Variants in DNAH8 observed in about 807,000 individuals in gnomAD.
DNAH8 encodes axonemal beta dynein heavy chain 8.
DNAH8 carries 382 observed loss-of-function variants against 562.1 expected under a neutral mutation model. The ratio of observed to expected loss-of-function variants is 0.68; its 90% CI spans 0.63 to 0.74. The LOEUF (loss-of-function observed/expected upper bound fraction) is 0.74, where lower values mean the gene tolerates loss of function less well. DNAH8 is among the 30% of genes least tolerant of loss of function. The probability of loss-of-function intolerance (pLI) is 0.00; values close to 1 mark genes in which losing one functional copy is unlikely to be tolerated. For synonymous variants in DNAH8, 1,881 were observed against 1,919.4 expected (o/e 0.98, Z 0.52); for missense variants, 5,203 against 5,620.4 (o/e 0.93, Z 2.37).
At chr6:38,937,033 G>A (rs1381296074) in intron 77 of DNAH8, among the ~76,000 whole-genome samples, 2 of 152,016 alleles carry the variant, frequency 1.3e-5, no homozygotes, top group African/African-American at 4.8e-5. Flanking sequence ...AAAAAAAAAG[G>A]ATGAGTTCAT....
chr6:38,801,638 C>T (rs1421169634), intron 21 of DNAH8, among the ~76,000 whole-genome samples: 1 of 152,206 alleles, frequency 6.6e-6, no homozygotes, highest in Non-Finnish European at 1.5e-5. Context: ...GTGTTTAGCA[C>T]TGCATTGAAT....
chr6:39,015,623 C>T (rs1297849291), intron 91 of DNAH8, among the ~76,000 whole-genome samples: 1 of 152,200 alleles, frequency 6.6e-6, no homozygotes, highest in Non-Finnish European at 1.5e-5. Flanking sequence ...GAGGCATCCC[C>T]AGCCATGCAG....
At chr6:38,999,400 GT>G (rs71809928) in intron 88 of DNAH8, among the ~76,000 whole-genome samples, 2,712 of 141,032 alleles carry the variant, frequency 0.019, 117 homozygotes, top group East Asian at 0.17. Context: ...TATGGGGGCT[GT>G]TTTTTTTTTT....
chr6:38,890,011 G>A (rs1328201929), intron 57 of DNAH8, among the ~76,000 whole-genome samples: 1 of 152,156 alleles, frequency 6.6e-6, no homozygotes, highest in African/African-American at 2.4e-5. Context: ...GAGACTTTGA[G>A]AACAGTCTCT....
intron 87 of DNAH8, 179 bp downstream of exon 87, chr6:38,984,486 A>C: frequency 1.8e-6 from 1 of 566,132 alleles, no homozygotes; most frequent in South Asian, 2.1e-5. Context: ...ACACACACAC[A>C]CACACACACA....
rs375908994 is a variant in DNAH8 at position 38,784,691 on chromosome 6, A to G, written c.2395+1552A>G. ...TCTCAGCACATTACATGTATTATGC[A>G]AATTACTTTAATCCTAACAGCAAAC... On this transcript the variant is annotated intron_variant, in intron 17 of 92. Coordinates refer to ENST00000327475, the MANE Select transcript of DNAH8 (RefSeq NM_001206927.2). Among the ~76,000 whole-genome samples, 12 of 152,338 alleles carry G rather than the reference A, an allele frequency of 7.9e-5. No individual in the cohort carries two copies. The East Asian group carries it at 1.5e-3, about 20-fold the overall frequency.
chr6:38,789,047 G>A (rs1447109401), intron 18 of DNAH8, among the ~76,000 whole-genome samples: 1 of 152,160 alleles, frequency 6.6e-6, no homozygotes, highest in Non-Finnish European at 1.5e-5. Flanking sequence ...AGGTTTAAAT[G>A]TACTGTTATA....
At chr6:38,723,655 G>C (rs553022313) in intron 3 of DNAH8, among the ~76,000 whole-genome samples, 184 bp downstream of exon 3, 10 of 152,194 alleles carry the variant, frequency 6.6e-5, no homozygotes, top group South Asian at 6.2e-4. Context: ...TTTGGGGATT[G>C]CTTGAGGCCA....
intron 70 of DNAH8, among the ~76,000 whole-genome samples, chr6:38,918,442 G>A (rs1037461913): frequency 1.3e-5 from 2 of 152,176 alleles, no homozygotes; most frequent in African/African-American, 2.4e-5. Flanking sequence ...TTGAAGTTTG[G>A]AGATTAGGTT....
rs545870718 is a variant in DNAH8, at chr6:39,022,818, C to T, written c.13715-3728C>T. ...TGGTGTAGTGGGCAGCTGCCTACCCCCATCCCACCCTGCACTGTGGGCTCC... is the reference window on the plus strand; with the variant it reads ...TGGTGTAGTGGGCAGCTGCCTACCCTCATCCCACCCTGCACTGTGGGCTCC... On this transcript the variant is annotated intron_variant, in intron 91 of 92. Transcript: ENST00000327475. 1.9e-3 allele frequency among the ~76,000 whole-genome samples: 292 copies of T among 152,338 alleles called. 1 individual carries two copies. Among genetic ancestry groups the T allele is most frequent in the African/African-American group, 6.6e-3 (274 of 41,576 alleles).
intron 1 of DNAH8, among the ~76,000 whole-genome samples, chr6:38,721,489 C>T (rs961780943): frequency 6.8e-6 from 1 of 147,564 alleles, no homozygotes; most frequent in African/African-American, 2.5e-5. Context: ...CAGGTGGCAG[C>T]GTGAGGCCCT....
intron 11 of DNAH8, among the ~76,000 whole-genome samples, chr6:38,769,196 T>C (rs1240181066): frequency 6.6e-6 from 1 of 152,232 alleles, no homozygotes; most frequent in Non-Finnish European, 1.5e-5. Flanking sequence ...ATCTGAGAAC[T>C]GTTATTCAGA....
At chr6:38,882,096 T>C (rs547059914) in intron 53 of DNAH8, among the ~76,000 whole-genome samples, 1 of 152,306 alleles carries the variant, frequency 6.6e-6, no homozygotes, top group African/African-American at 2.4e-5. Context: ...AGGAAATGCT[T>C]CTACACTGCT....
chr6:38,922,550 A>G (rs140940722), intron 71 of DNAH8, among the ~76,000 whole-genome samples: 3 of 152,282 alleles, frequency 2.0e-5, no homozygotes, highest in East Asian at 1.9e-4. Flanking sequence ...GTAAGCTTAC[A>G]TAGTTTAATT....
chr6:38,911,861 G>C (rs1780930972), intron 66 of DNAH8, among the ~76,000 whole-genome samples: 1 of 152,162 alleles, frequency 6.6e-6, no homozygotes. Flanking sequence ...AGCCATTGCT[G>C]GCAGATGGGG....
rs568306060 is a variant in DNAH8, at chr6:38,729,173, A to G, written c.526-729A>G. ...AGCCGAGATCGCGCTACTGCACTCC[A>G]GCCTGGGTGACAGAGCGAAACTCCG... On this transcript the variant is annotated intron_variant, in intron 3 of 92. Coordinates refer to ENST00000327475, the MANE Select transcript of DNAH8 (RefSeq NM_001206927.2). 2.6e-3 allele frequency among the ~76,000 whole-genome samples: 392 copies of G among 152,192 alleles called. 3 individuals are homozygous for G. The highest frequency in any genetic ancestry group is 9.2e-3 in the African/African-American group (381 of 41,516).
chr6:38,969,724 G>A (rs986346141), intron 82 of DNAH8, among the ~76,000 whole-genome samples: 3 of 149,630 alleles, frequency 2.0e-5, no homozygotes, highest in Non-Finnish European at 4.5e-5. Context: ...GGAGTGGGGG[G>A]TGGTGTGTGG....
At chr6:39,020,113 T>C (rs150413367) in intron 91 of DNAH8, among the ~76,000 whole-genome samples, 1 of 152,300 alleles carries the variant, frequency 6.6e-6, no homozygotes, top group East Asian at 1.9e-4. Flanking sequence ...ATTACATTTT[T>C]AAATGGGTTT....
chr6:38,739,790 C>G (rs1764382898), intron 7 of DNAH8, among the ~76,000 whole-genome samples: 1 of 152,066 alleles, frequency 6.6e-6, no homozygotes, highest in South Asian at 2.1e-4. Context: ...CCATGTTTTT[C>G]TTTCTAGTTT....
Sources: allele counts gnomAD v4.1 joint callset (sites outside exome capture counted in the v4.1 genomes callset), GRCh38; gene constraint gnomAD v4.1.1; transcripts MANE v1.5; gene names NCBI Gene and HGNC (gene_info 2026-07-23, HGNC 2026-07-21).